TIAM2: variants seen among roughly 807,000 people sequenced by gnomAD.
The protein encoded by TIAM2 is TIAM Rac1 associated GEF 2, also known as rho guanine nucleotide exchange factor TIAM2.
Under a neutral mutation model 152.9 loss-of-function variants are expected in TIAM2, and 80 were observed. The ratio of observed to expected loss-of-function variants is 0.52; its 90% CI spans 0.44 to 0.63. The LOEUF is 0.63. TIAM2 is among the 30% of genes least tolerant of loss of function. TIAM2 has a pLI of 0.00. For missense variants in TIAM2, 1,965 were observed against 2,120.1 expected (o/e 0.93, Z 1.44); for synonymous variants, 804 against 838.0 (o/e 0.96, Z 0.70).
At chr6:155,168,980 CTGTTTTTTTT>C in intron 9 of TIAM2, 1 of 1,400,716 alleles carries the variant, frequency 7.1e-7, no homozygotes, top group Non-Finnish European at 9.6e-7. Context: ...CTAACTTTTT[CTGTTTTTTTT>C]TGTTTGTTTT....
chr6:155,245,682 C>T lies in TIAM2; in HGVS notation c.3603C>T (p.Tyr1201=), dbSNP rs1783276755. ...ATTACGCGGACCACTTTAAACTGTA[C>T]AGTGGATTCTGTGCTAACCATATCA... ...FLYYADHFKL[Y]SGFCANHIKV... The change falls in exon 19 of 27, where the codon TAC becomes TAT. Residue 1201 remains tyrosine, a synonymous_variant. Transcript: ENST00000682666. 6.2e-7 allele frequency: 1 copy of T among 1,613,162 alleles called. No homozygotes were observed. Among genetic ancestry groups the T allele is most frequent in the Admixed American group, 1.7e-5 (1 of 59,946 alleles).
At chr6:155,181,136 A>G (rs549575363) in intron 12 of TIAM2, among the ~76,000 whole-genome samples, 71 of 152,320 alleles carry the variant, frequency 4.7e-4, no homozygotes, top group African/African-American at 1.7e-3. Flanking sequence ...GCAGAGACCT[A>G]GGGAACAGGA....
chr6:155,068,855 A>G (rs563290342), intron 1 of TIAM2, among the ~76,000 whole-genome samples: 2 of 152,262 alleles, frequency 1.3e-5, no homozygotes, highest in South Asian at 4.2e-4. Flanking sequence ...TTCTTCAGGA[A>G]ATGCTGAGTG....
Position 155,194,141 on chromosome 6 carries a change from A to C in TIAM2, c.3064+10641A>C, listed in dbSNP as rs200044605. On this transcript the variant is annotated intron_variant, in intron 14 of 26. Coordinates refer to ENST00000682666, the MANE Select transcript of TIAM2 (RefSeq NM_012454.4). ...CACCTTTGTTAACCCCTAGGGAATG[A>C]GAAGGTAGATGAGGGGGCATAGAGC... 7.2e-5 allele frequency among the ~76,000 whole-genome samples: 11 copies of C among 152,262 alleles called. No homozygotes were observed. In the East Asian group the frequency reaches 2.1e-3, roughly 29 times the overall value.
At chr6:155,250,005 A>ATG (rs768173326) in intron 21 of TIAM2, 36 bp downstream of exon 21, 1 of 1,546,688 alleles carries the variant, frequency 6.5e-7, no homozygotes, top group African/African-American at 1.4e-5. Context: ...AGCCTAGTGC[A>ATG]TGTGGTGTGG....
chr6:155,017,892 TA>T (rs1160960051), intron 1 of TIAM2, among the ~76,000 whole-genome samples: 2 of 152,114 alleles, frequency 1.3e-5, no homozygotes, highest in Non-Finnish European at 2.9e-5. Flanking sequence ...TCCAGATCTG[TA>T]GCCACCGGCC....
At chr6:155,238,895 C>T (rs1296845541) in intron 15 of TIAM2, among the ~76,000 whole-genome samples, 2 of 152,098 alleles carry the variant, frequency 1.3e-5, no homozygotes, top group Non-Finnish European at 2.9e-5. Flanking sequence ...GAAAGACTAG[C>T]CAGAGATCAA....
Position 155,179,410 on chromosome 6 carries a change from T to C in TIAM2, c.2661T>C (p.Asn887=), listed in dbSNP as rs138915668. The change falls in exon 12 of 27, where the codon AAT becomes AAC. Residue 887 remains asparagine (N), a synonymous_variant. Coordinates refer to ENST00000682666, the MANE Select transcript of TIAM2 (RefSeq NM_012454.4). ...VYDEIEVFPL[N]VYDVQLTKTG... Reference sequence around the variant, plus strand: ...ATGAAATAGAAGTCTTTCCACTAAATGTTTATGACGTGCAGCTCACGAAGA... The same window carrying C: ...ATGAAATAGAAGTCTTTCCACTAAACGTTTATGACGTGCAGCTCACGAAGA... The C allele has an allele frequency of 2.0e-4, 320 of 1,613,824 alleles. No individual in the cohort carries two copies. The highest frequency in any genetic ancestry group is 2.5e-4 in the Non-Finnish European group (299 of 1,179,990).
Position 155,117,144 on chromosome 6 carries a change from C to T in TIAM2, c.-117-10346C>T, listed in dbSNP as rs1415868485. Reference sequence around the variant, plus strand: ...TAAAAGAAAAATAAGGAAAATATTTCGTCTTATCCAGGATTATTTTAGACA... The same window carrying T: ...TAAAAGAAAAATAAGGAAAATATTTTGTCTTATCCAGGATTATTTTAGACA... On this transcript the variant is annotated intron_variant, in intron 2 of 26. Coordinates refer to ENST00000682666, the MANE Select transcript of TIAM2 (RefSeq NM_012454.4). Among the ~76,000 whole-genome samples, 7 of 141,536 alleles carry T rather than the reference C, an allele frequency of 4.9e-5. No individual in the cohort carries two copies. In the South Asian group the frequency reaches 1.3e-3, roughly 26 times the overall value. The allele number at this position is 141,536 out of a possible 152,430, so 92.9% of individuals were successfully genotyped here.
At chr6:155,217,383 C>G (rs1781886484) in intron 15 of TIAM2, among the ~76,000 whole-genome samples, 1 of 152,120 alleles carries the variant, frequency 6.6e-6, no homozygotes, top group South Asian at 2.1e-4. Flanking sequence ...ATAGTTCTTT[C>G]TTTTTGAAAT....
intron 14 of TIAM2, among the ~76,000 whole-genome samples, chr6:155,208,025 C>A (rs1161694283): frequency 6.6e-6 from 1 of 152,116 alleles, no homozygotes; most frequent in Admixed American, 6.5e-5. Flanking sequence ...TATGCCCTTG[C>A]CACAGCTGAG....
intron 1 of TIAM2, among the ~76,000 whole-genome samples, chr6:155,021,559 G>A (rs575669661): frequency 1.5e-4 from 23 of 152,242 alleles, no homozygotes; most frequent in African/African-American, 4.8e-4. Flanking sequence ...ACCGCGCCCA[G>A]CCAGAATTCT....
At chr6:155,005,755 A>C (rs941567336) in intron 1 of TIAM2, among the ~76,000 whole-genome samples, 2 of 150,794 alleles carry the variant, frequency 1.3e-5, no homozygotes, top group Admixed American at 1.3e-4. Flanking sequence ...TCCCGAGTTC[A>C]AGTGATTCTC....
At chr6:155,066,799 A>T (rs1331614784) in intron 1 of TIAM2, among the ~76,000 whole-genome samples, 2 of 151,982 alleles carry the variant, frequency 1.3e-5, no homozygotes, top group African/African-American at 2.4e-5. Context: ...TCTGTCGCCC[A>T]GGCTGGAGTG....
chr6:155,206,593 C>T (rs920704185), intron 14 of TIAM2, among the ~76,000 whole-genome samples: 3 of 152,094 alleles, frequency 2.0e-5, no homozygotes, highest in African/African-American at 2.4e-5. Flanking sequence ...TTGCTCTGGC[C>T]GTGGCACCTT....
At chr6:155,247,852 C>T in intron 19 of TIAM2, 148 bp from the exon 20 acceptor site, 1 of 1,000,752 alleles carries the variant, frequency 1.0e-6, no homozygotes. Flanking sequence ...CAGCTGGGTG[C>T]CTGACCCACT....
At chr6:155,020,382 A>G (rs1047224096) in intron 1 of TIAM2, among the ~76,000 whole-genome samples, 1 of 152,234 alleles carries the variant, frequency 6.6e-6, no homozygotes, top group Non-Finnish European at 1.5e-5. Context: ...TTTGTATGCT[A>G]TAAACATTGT....
chr6:155,202,659 C>T lies in TIAM2; in HGVS notation c.3065-8545C>T, dbSNP rs180836777. Reference sequence around the variant, plus strand: ...CAGGCTGGTCTTGTGAACTCCTGACCGCAAGCAATCCTCCTGCCTTGGCCT... The same window carrying T: ...CAGGCTGGTCTTGTGAACTCCTGACTGCAAGCAATCCTCCTGCCTTGGCCT... On this transcript the variant is annotated intron_variant, in intron 14 of 26. Transcript: ENST00000682666. Among the ~76,000 whole-genome samples the T allele has an allele frequency of 1.3e-4, 19 of 149,632 alleles. 1 individual carries two copies. Among genetic ancestry groups the T allele is most frequent in the South Asian group, 8.5e-4 (4 of 4,712 alleles).
chr6:155,195,024 C>T (rs547339032), intron 14 of TIAM2, among the ~76,000 whole-genome samples: 3 of 152,246 alleles, frequency 2.0e-5, no homozygotes, highest in African/African-American at 7.2e-5. Flanking sequence ...CTGAGGCCTC[C>T]GCAGCCCTGC....
Sources: gnomAD v4.1 joint callset for allele counts (sites outside exome capture counted in the v4.1 genomes callset) on GRCh38, gnomAD v4.1.1 for gene constraint, MANE v1.5 for transcripts, NCBI Gene and HGNC (gene_info 2026-07-23, HGNC 2026-07-21) for gene names.